Variants in LY96 observed in about 807,000 individuals in gnomAD.
LY96 encodes the protein myeloid differentiation protein-2.
Under a neutral mutation model 18.9 loss-of-function variants are expected in LY96, and 18 were observed. The ratio of observed to expected loss-of-function variants is 0.95; its 90% CI spans 0.66 to 1.41. LY96 has a LOEUF of 1.41. Among genes scored for constraint, LY96 ranks in the 40% most tolerant of loss-of-function variants. The pLI, the probability that LY96 is intolerant of heterozygous loss-of-function variation, is 0.00. For synonymous variants in LY96, 66 were observed against 62.6 expected (o/e 1.06, Z -0.26); for missense variants, 175 against 182.4 (o/e 0.96, Z 0.23).
intron 3 of LY96, among the ~76,000 whole-genome samples, chr8:74,023,096 T>C (rs893956496): frequency 6.6e-6 from 1 of 152,148 alleles, no homozygotes; most frequent in Admixed American, 6.5e-5. Flanking sequence ...TGAAATCTAA[T>C]GAGATGATGA....
the LY96 span, among the ~76,000 whole-genome samples, chr8:74,040,701 T>G: frequency 5.0e-5 from 4 of 80,056 alleles, no homozygotes; most frequent in African/African-American, 7.6e-5. Context: ...TGTGTCTGTT[T>G]TTTTTTTTTT....
intron 3 of LY96, among the ~76,000 whole-genome samples, chr8:74,021,840 A>T (rs1308330143): frequency 1.3e-5 from 2 of 152,030 alleles, no homozygotes; most frequent in African/African-American, 4.8e-5. Context: ...CAAACACTGC[A>T]TATTCTCACT....
chr8:74,038,781 C>T, the LY96 span, among the ~76,000 whole-genome samples: 6 of 152,240 alleles, frequency 3.9e-5, no homozygotes, highest in Non-Finnish European at 5.9e-5. Flanking sequence ...ACATTTTTGT[C>T]GCTTTCAAAT....
chr8:74,018,408 C>T (rs1586657761), intron 3 of LY96, among the ~76,000 whole-genome samples: 2 of 152,230 alleles, frequency 1.3e-5, no homozygotes, highest in African/African-American at 4.8e-5. Flanking sequence ...TACAGGAGCA[C>T]CCAGATTCAT....
chr8:74,078,617 T>G, the LY96 span, among the ~76,000 whole-genome samples: 178 of 152,222 alleles, frequency 1.2e-3, 1 homozygote, highest in Non-Finnish European at 2.3e-3. Flanking sequence ...AGCTGGCCAC[T>G]TCTCAGGCTG....
At chr8:74,078,928 T>G in the LY96 span, among the ~76,000 whole-genome samples, 1 of 152,270 alleles carries the variant, frequency 6.6e-6, no homozygotes, top group Non-Finnish European at 1.5e-5. Flanking sequence ...CTTTTTTTGT[T>G]CACTTATCTG....
the LY96 span, among the ~76,000 whole-genome samples, chr8:74,091,490 C>T: frequency 6.6e-6 from 1 of 152,164 alleles, no homozygotes; most frequent in Non-Finnish European, 1.5e-5. Flanking sequence ...ACTTGTGTCC[C>T]CCCTCAGGAG....
At chr8:74,016,543 C>T (rs541128720) in intron 3 of LY96, among the ~76,000 whole-genome samples, 10 of 152,318 alleles carry the variant, frequency 6.6e-5, no homozygotes, top group East Asian at 1.9e-4. Flanking sequence ...GCTCTGAGAT[C>T]GGACAGACTG....
intron 1 of LY96, among the ~76,000 whole-genome samples, chr8:74,002,471 C>G (rs373010211): frequency 6.6e-6 from 1 of 151,962 alleles, no homozygotes; most frequent in Non-Finnish European, 1.5e-5. Flanking sequence ...TCTGAGTTCA[C>G]TGATCCTTTC....
At chr8:74,033,538 G>T (rs904753296), downstream of LY96, among the ~76,000 whole-genome samples, 4 of 152,172 alleles carry the variant, frequency 2.6e-5, no homozygotes, top group African/African-American at 9.7e-5. Flanking sequence ...TTATGAGCAG[G>T]GGGCCTCTTT....
chr8:74,088,083 A>AAGAATAAAATAGAATAGAAT, the LY96 span, among the ~76,000 whole-genome samples: 58 of 120,430 alleles, frequency 4.8e-4, no homozygotes, highest in Middle Eastern at 4.0e-3. Context: ...TCACTGAGAG[A>AAGAATAAAATAGAATAGAAT]AGAATAGAAT....
intron 2 of LY96, among the ~76,000 whole-genome samples, chr8:74,005,635 C>T (rs185110694): frequency 1.3e-5 from 2 of 152,262 alleles, no homozygotes; most frequent in Non-Finnish European, 2.9e-5. Context: ...TGACAGAAGG[C>T]CATGTGTTTT....
the LY96 span, among the ~76,000 whole-genome samples, chr8:74,060,229 C>T: frequency 6.6e-6 from 1 of 152,152 alleles, no homozygotes. Flanking sequence ...ATACCATTAA[C>T]AAAGATAAAA....
At chr8:74,088,800 A>G in the LY96 span, among the ~76,000 whole-genome samples, 1 of 152,122 alleles carries the variant, frequency 6.6e-6, no homozygotes, top group African/African-American at 2.4e-5. Context: ...TGGCCAGGCT[A>G]GTCTCCAACT....
the LY96 span, among the ~76,000 whole-genome samples, chr8:74,071,104 A>AT: frequency 2.0e-5 from 3 of 152,216 alleles, no homozygotes; most frequent in Non-Finnish European, 4.4e-5. Flanking sequence ...TAGCAAGCAT[A>AT]GGGCAGGTGT....
intron 1 of LY96, among the ~76,000 whole-genome samples, chr8:73,998,497 G>A (rs1005404181): frequency 6.6e-5 from 10 of 151,818 alleles, no homozygotes; most frequent in Non-Finnish European, 1.5e-4. Flanking sequence ...GCAACATAGT[G>A]AGGCCCCATC....
intron 3 of LY96, among the ~76,000 whole-genome samples, chr8:74,026,130 T>C (rs908530361): frequency 7.1e-6 from 1 of 141,810 alleles, no homozygotes; most frequent in Non-Finnish European, 1.5e-5. Flanking sequence ...AACAATATTA[T>C]AGTTTTTGAT....
chr8:74,044,496 T>C, the LY96 span, among the ~76,000 whole-genome samples: 1 of 152,100 alleles, frequency 6.6e-6, no homozygotes, highest in Non-Finnish European at 1.5e-5. Flanking sequence ...TCCCAATGTA[T>C]GTAATATGTT....
the LY96 span, among the ~76,000 whole-genome samples, chr8:74,082,843 G>A: frequency 6.6e-6 from 1 of 152,282 alleles, no homozygotes; most frequent in Non-Finnish European, 1.5e-5. Context: ...AGGCCTGTTT[G>A]TTCAGGTTCC....
Sources: gnomAD v4.1 joint callset for allele counts (sites outside exome capture counted in the v4.1 genomes callset) on GRCh38, gnomAD v4.1.1 for gene constraint, MANE v1.5 for transcripts, NCBI Gene and HGNC (gene_info 2026-07-23, HGNC 2026-07-21) for gene names.